Variants in RUFY4 observed in about 807,000 individuals in gnomAD.
The protein encoded by RUFY4 is RUN and FYVE domain-containing protein 4.
Under a neutral mutation model 69.0 loss-of-function variants are expected in RUFY4, and 73 were observed. The ratio of observed to expected loss-of-function variants is 1.06; its 90% confidence interval spans 0.88 to 1.29. The LOEUF (loss-of-function observed/expected upper bound fraction) is 1.29. Ranked by LOEUF, RUFY4 falls within the 50% of genes most tolerant of loss-of-function variation. The pLI, the probability that RUFY4 is intolerant of heterozygous loss-of-function variation, is 0.00. For synonymous variants in RUFY4, 287 were observed against 271.8 expected (o/e 1.06, Z -0.55); for missense variants, 770 against 705.6 (o/e 1.09, Z -1.03).
chr2:218,056,802 C>T (rs1189199114), intron 2 of RUFY4, among the ~76,000 whole-genome samples: 1 of 152,116 alleles, frequency 6.6e-6, no homozygotes, highest in Non-Finnish European at 1.5e-5. Flanking sequence ...TAGTTTTATC[C>T]AGGCCAGGTG....
At chr2:218,049,006 G>A (rs1040690862) in intron 2 of RUFY4, among the ~76,000 whole-genome samples, 6 of 152,114 alleles carry the variant, frequency 3.9e-5, no homozygotes, top group South Asian at 2.1e-4. Context: ...TTTATCTTTC[G>A]AAGAGCATAT....
At chr2:218,040,678 C>T (rs1163313149) in intron 2 of RUFY4, among the ~76,000 whole-genome samples, 1 of 152,006 alleles carries the variant, frequency 6.6e-6, no homozygotes, top group Non-Finnish European at 1.5e-5. Flanking sequence ...TGACAGTTTT[C>T]CAATTTGATG....
At chr2:218,088,557 A>G (rs938994686) in intron 9 of RUFY4, among the ~76,000 whole-genome samples, 3 of 152,222 alleles carry the variant, frequency 2.0e-5, no homozygotes, top group Non-Finnish European at 4.4e-5. Flanking sequence ...TAAGTGCCAG[A>G]TAAGAGACAG....
At chr2:218,079,947 G>A (rs552687157) in intron 8 of RUFY4, among the ~76,000 whole-genome samples, 12 of 152,162 alleles carry the variant, frequency 7.9e-5, no homozygotes, top group African/African-American at 1.7e-4. Flanking sequence ...GGAAGGGCGC[G>A]GAGAAAGACA....
At chr2:218,071,688 G>A (rs1280191867) in intron 2 of RUFY4, among the ~76,000 whole-genome samples, 1 of 152,164 alleles carries the variant, frequency 6.6e-6, no homozygotes, top group Non-Finnish European at 1.5e-5. Context: ...CTCCGTAGCA[G>A]TCATCACTAT....
At chr2:218,067,262 T>G (rs183830420), upstream of RUFY4, among the ~76,000 whole-genome samples, 150 of 152,310 alleles carry the variant, frequency 9.8e-4, no homozygotes, top group African/African-American at 3.5e-3. Context: ...TTGCTCTGCC[T>G]TCTGCCCTCC....
chr2:218,075,592 G>T, exon 7 of RUFY4: 1 of 1,524,454 alleles, frequency 6.6e-7, no homozygotes, highest in Non-Finnish European at 8.8e-7. Context: ...GGGTCGGGGG[G>T]CTCTAGCATC....
At chr2:218,088,601 A>G (rs966529181) in intron 9 of RUFY4, among the ~76,000 whole-genome samples, 1 of 152,222 alleles carries the variant, frequency 6.6e-6, no homozygotes, top group Non-Finnish European at 1.5e-5. Context: ...CTGGAGCAAG[A>G]AACCCCAGGG....
At chr2:218,064,194 G>A (rs147709430) in intron 3 of RUFY4, among the ~76,000 whole-genome samples, 3,979 of 152,294 alleles carry the variant, frequency 0.026, 65 homozygotes, top group Middle Eastern at 0.044. Flanking sequence ...TGGGATGAGG[G>A]ATGGGGAAGC....
chr2:218,036,859 C>T (rs1000960530), intron 2 of RUFY4, among the ~76,000 whole-genome samples: 9 of 152,214 alleles, frequency 5.9e-5, no homozygotes, highest in African/African-American at 1.7e-4. Context: ...CTGTGTGGCA[C>T]GCACATCAGG....
intron 3 of RUFY4, among the ~76,000 whole-genome samples, chr2:218,062,301 G>C (rs1213069157): frequency 6.6e-6 from 1 of 151,940 alleles, no homozygotes; most frequent in African/African-American, 2.4e-5. Flanking sequence ...AGCTACTCAG[G>C]AGGTTGAGAC....
At chr2:218,051,056 G>A (rs1415665147) in intron 2 of RUFY4, among the ~76,000 whole-genome samples, 2 of 152,048 alleles carry the variant, frequency 1.3e-5, no homozygotes, top group Non-Finnish European at 2.9e-5. Context: ...ATTAATTTTT[G>A]TGGAGATGAA....
intron 3 of RUFY4, 78 bp from the exon 6 acceptor site, chr2:218,072,701 C>T: frequency 3.0e-6 from 4 of 1,318,216 alleles, no homozygotes; most frequent in Non-Finnish European, 4.1e-6. Flanking sequence ...CCAAGCACTT[C>T]CAGTCCCCTC....
rs1303040147 is a variant in RUFY4, at chr2:218,070,615, G to A, written c.10G>A (p.Glu4Lys). 5.2e-6 allele frequency: 8 copies of A among 1,537,514 alleles called. No individual in the cohort carries two copies. The highest frequency in any genetic ancestry group is 1.2e-5 in the South Asian group (1 of 84,050). The stretch of plus-strand genomic sequence containing the variant: ...TCATTTCCAAGTACCCATGGCAGAA[G>A]AGGGAGCCATCCTCAAGGTCACCAA... Residue 4 changes from glutamate (E) to lysine (K), a missense_variant, in exon 1 of 11, where the codon GAG becomes AAG. Glu to Lys is a moderately conservative substitution (Grantham distance 56). Coordinates refer to ENST00000344321, the Ensembl canonical transcript of RUFY4.
At chr2:218,079,793 T>A (rs1016633405) in intron 8 of RUFY4, among the ~76,000 whole-genome samples, 10 of 152,146 alleles carry the variant, frequency 6.6e-5, no homozygotes, top group African/African-American at 2.4e-4. Flanking sequence ...ATTCATTCCA[T>A]GGACATTTAG....
rs560608551 is a variant in RUFY4 at position 218,053,401 on chromosome 2, T to C, written c.-1157-5194T>C. Among the ~76,000 whole-genome samples the C allele has an allele frequency of 2.1e-4, 32 of 151,792 alleles. No homozygotes were observed. In the South Asian group the frequency reaches 6.1e-3, roughly 29 times the overall value. On this transcript the variant is annotated intron_variant and NMD_transcript_variant, in intron 2 of 13. Coordinates refer to the RUFY4 transcript ENST00000457754. The stretch of plus-strand genomic sequence containing the variant: ...CACTTTGTCACTCAGGCTGGAGTTC[T>C]GTGCCATGAACATGGCTCACTGAAG...
chr2:218,042,265 G>A (rs934045), intron 2 of RUFY4, among the ~76,000 whole-genome samples: 85,270 of 152,104 alleles, frequency 0.56, 25,876 homozygotes, highest in African/African-American at 0.78. Flanking sequence ...AGGAGGTAGT[G>A]CCTGATTAAA....
intron 2 of RUFY4, among the ~76,000 whole-genome samples, chr2:218,072,105 G>A (rs1246312853): frequency 1.3e-5 from 2 of 152,208 alleles, no homozygotes; most frequent in Admixed American, 6.5e-5. Flanking sequence ...TTTGTTCATA[G>A]TTGTATCCCC....
upstream of RUFY4, among the ~76,000 whole-genome samples, chr2:218,065,982 G>A (rs181208624): frequency 2.6e-5 from 4 of 152,168 alleles, no homozygotes; most frequent in East Asian, 7.8e-4. Context: ...GGACAGGAGG[G>A]GTGGGGCCAG....
Sources: gnomAD v4.1 joint callset for allele counts (sites outside exome capture counted in the v4.1 genomes callset) on GRCh38, gnomAD v4.1.1 for gene constraint, MANE v1.5 for transcripts, NCBI Gene and HGNC (gene_info 2026-07-23, HGNC 2026-07-21) for gene names.